PAH: variants seen among roughly 807,000 people sequenced by gnomAD.
The protein encoded by PAH is phenylalanine-4-hydroxylase.
In PAH, 64 loss-of-function variants were observed where a neutral mutation model predicts 62.0. The observed-to-expected ratio is 1.03, with a 90% CI of 0.84 to 1.27. The LOEUF (loss-of-function observed/expected upper bound fraction) is 1.27, where lower values mean the gene tolerates loss of function less well. PAH is among the 50% of genes most tolerant of loss of function. The pLI, the probability that PAH is intolerant of heterozygous loss-of-function variation, is 0.00. For synonymous variants in PAH, 195 were observed against 196.2 expected (o/e 0.99, Z 0.05); for missense variants, 579 against 542.8 (o/e 1.07, Z -0.66).
At chr12:102,911,469 G>A (rs1420021277) in intron 2 of PAH, among the ~76,000 whole-genome samples, 1 of 152,036 alleles carries the variant, frequency 6.6e-6, no homozygotes, top group African/African-American at 2.4e-5. Flanking sequence ...TTGACCTTGG[G>A]CACATTTACC....
At chr12:102,886,402 C>T (rs188412219) in intron 3 of PAH, among the ~76,000 whole-genome samples, 1 of 152,088 alleles carries the variant, frequency 6.6e-6, no homozygotes, top group Non-Finnish European at 1.5e-5. Context: ...CTATTTATTC[C>T]AACCACCCAC....
At chr12:102,856,665 T>G (rs1414290993) in intron 5 of PAH, among the ~76,000 whole-genome samples, 1 of 152,180 alleles carries the variant, frequency 6.6e-6, no homozygotes, top group African/African-American at 2.4e-5. Context: ...CAGCAACATT[T>G]GGTGTTCAGA....
intron 1 of PAH, among the ~76,000 whole-genome samples, chr12:102,915,880 C>T (rs1475805630): frequency 3.9e-5 from 6 of 152,042 alleles, no homozygotes; most frequent in African/African-American, 1.4e-4. Context: ...CTATATAACA[C>T]GACACTACTT....
chr12:102,954,111 A>G (rs1463281035), upstream of PAH, among the ~76,000 whole-genome samples: 2 of 152,246 alleles, frequency 1.3e-5, no homozygotes, highest in Non-Finnish European at 2.9e-5. Context: ...GTGGCAAGGG[A>G]GCCAAGAAAG....
intron 1 of PAH, among the ~76,000 whole-genome samples, chr12:102,932,631 A>C (rs1178786384): frequency 6.6e-6 from 1 of 151,978 alleles, no homozygotes; most frequent in Non-Finnish European, 1.5e-5. Flanking sequence ...GGTACCACCA[A>C]CTCAATTCAC....
intron 5 of PAH, among the ~76,000 whole-genome samples, chr12:102,866,226 TTC>T (rs551969877): frequency 5.9e-5 from 9 of 152,290 alleles, no homozygotes; most frequent in African/African-American, 2.2e-4. Context: ...ATGTAAATGA[TTC>T]TCTTTTTCCT....
intron 1 of PAH, among the ~76,000 whole-genome samples, chr12:102,943,265 AACAG>A (rs1879359258): frequency 6.6e-6 from 1 of 152,206 alleles, no homozygotes; most frequent in Non-Finnish European, 1.5e-5. Flanking sequence ...AAAGGACATG[AACAG>A]ACACTTCTCA....
chr12:102,866,123 G>A (rs918352695), intron 5 of PAH, among the ~76,000 whole-genome samples: 2 of 151,274 alleles, frequency 1.3e-5, no homozygotes, highest in African/African-American at 4.9e-5. Flanking sequence ...TTCACAGCTG[G>A]GTCAGACCAG....
intron 3 of PAH, among the ~76,000 whole-genome samples, chr12:102,891,738 C>T (rs547713357): frequency 2.2e-4 from 33 of 152,158 alleles, no homozygotes; most frequent in Non-Finnish European, 4.6e-4. Context: ...AACTCCCCCT[C>T]AATGTCCCCA....
At chr12:102,894,479 A>C (rs904596856) in intron 3 of PAH, among the ~76,000 whole-genome samples, 3 of 151,712 alleles carry the variant, frequency 2.0e-5, no homozygotes, top group African/African-American at 7.2e-5. Flanking sequence ...GGGGAAAAAT[A>C]ACTAAAATTC....
intron 9 of PAH, among the ~76,000 whole-genome samples, chr12:102,846,177 G>T (rs950344712): frequency 2.0e-5 from 3 of 152,236 alleles, no homozygotes; most frequent in Non-Finnish European, 4.4e-5. Flanking sequence ...CCTGAAAGCA[G>T]CTGTCAGTGA....
intron 6 of PAH, chr12:102,854,867 G>T: frequency 1.9e-6 from 1 of 521,624 alleles, no homozygotes; most frequent in South Asian, 2.0e-5. Flanking sequence ...GGCTTTAAGT[G>T]TGAAAGAAAA....
At chr12:102,894,711 T>C (rs368271181) in intron 3 of PAH, 24 bp downstream of exon 3, 7 of 1,596,600 alleles carry the variant, frequency 4.4e-6, no homozygotes, top group African/African-American at 1.3e-5. Context: ...GTTACTTATG[T>C]TGCAAAATTC....
rs117109329 is a variant in PAH at position 102,888,363 on chromosome 12, A to C, written c.352+6372T>G. 6.8e-3 allele frequency among the ~76,000 whole-genome samples: 1,036 copies of C among 152,108 alleles called. 6 individuals carry two copies. The highest frequency in any genetic ancestry group is 0.01 in the Non-Finnish European group (707 of 67,998). On this transcript the variant is annotated intron_variant, in intron 3 of 12. Coordinates refer to ENST00000553106, the MANE Select transcript of PAH (RefSeq NM_000277.3). Reference sequence around the variant, plus strand: ...GTTTTCTAATATTGAAAACAAGAATAATACTATGTTTGCTTTAGCTGCCTG... The same window carrying C: ...GTTTTCTAATATTGAAAACAAGAATCATACTATGTTTGCTTTAGCTGCCTG...
intron 5 of PAH, among the ~76,000 whole-genome samples, chr12:102,856,772 C>T (rs1875455563): frequency 6.6e-6 from 1 of 152,216 alleles, no homozygotes; most frequent in African/African-American, 2.4e-5. Context: ...AGCTGAGGGT[C>T]CTGACTGTTA....
intron 2 of PAH, among the ~76,000 whole-genome samples, chr12:102,897,274 C>T (rs1877542524): frequency 6.6e-6 from 1 of 150,458 alleles, no homozygotes; most frequent in South Asian, 2.1e-4. Flanking sequence ...ATGAAAACAG[C>T]AAATAACTCA....
chr12:102,894,260 G>A (rs987699164), intron 3 of PAH, among the ~76,000 whole-genome samples: 6 of 151,714 alleles, frequency 4.0e-5, no homozygotes, highest in Admixed American at 3.9e-4. Context: ...CTACTTATTG[G>A]GTATTATGCT....
upstream of PAH, among the ~76,000 whole-genome samples, chr12:102,952,019 T>C (rs1426408705): frequency 6.6e-6 from 1 of 152,136 alleles, no homozygotes; most frequent in African/African-American, 2.4e-5. Flanking sequence ...TTACACTGAG[T>C]AATGACTGAA....
rs62514927 is a variant in PAH, at chr12:102,855,231, T to C, written c.611A>G (p.Tyr204Cys). ...AAGTGGAAAAATGTGATTGTACTCA[T>C]AGCAAGCATGGGTTTTATACAAGGA... Reference protein sequence around the residue: ...LKSLYKTHACYEYNHIFPLLE... With the variant: ...LKSLYKTHACCEYNHIFPLLE... The change falls in exon 6 of 13, where the codon TAT becomes TGT. Residue 204 changes from tyrosine (Y) to cysteine (C), a missense_variant. Tyr to Cys is a radical substitution (Grantham distance 194, BLOSUM62 -2). Coordinates refer to ENST00000553106, the MANE Select transcript of PAH (RefSeq NM_000277.3). 1.5e-5 allele frequency: 24 copies of C among 1,613,986 alleles called. No homozygotes were observed. In the East Asian group the frequency reaches 2.0e-4, roughly 13 times the overall value.
Sources: allele counts gnomAD v4.1 joint callset (sites outside exome capture counted in the v4.1 genomes callset), GRCh38; gene constraint gnomAD v4.1.1; transcripts MANE v1.5; gene names NCBI Gene and HGNC (gene_info 2026-07-23, HGNC 2026-07-21).